JAM3: variants seen among roughly 807,000 people sequenced by gnomAD.
The protein encoded by JAM3 is junctional adhesion molecule 3.
JAM3 carries 31 observed loss-of-function variants against 39.4 expected under a neutral mutation model. The ratio of observed to expected loss-of-function variants is 0.79; its 90% CI spans 0.59 to 1.06. The LOEUF is 1.06. Among genes scored for constraint, JAM3 ranks in the 50% least tolerant of loss-of-function variants. The probability of loss-of-function intolerance (pLI) is 0.00; values close to 1 mark genes in which losing one functional copy is unlikely to be tolerated. For synonymous variants in JAM3, 182 were observed against 148.7 expected (o/e 1.22, Z -1.63); for missense variants, 455 against 391.4 (o/e 1.16, Z -1.37).
At chr11:134,112,279 G>T (rs1211202195) in intron 1 of JAM3, among the ~76,000 whole-genome samples, 1 of 151,998 alleles carries the variant, frequency 6.6e-6, no homozygotes, top group Admixed American at 6.6e-5. Context: ...GTAGAGACGG[G>T]GTTTAACCAT....
In JAM3 at chr11:134,144,901, G is replaced by A. The variant is rs1343101238; in HGVS notation, c.519G>A (p.Trp173Ter). The change falls in exon 5 of 9, where the codon TGG becomes TGA. Residue 173 changes from tryptophan (W) to a stop codon, truncating the protein, a stop_gained. Coordinates refer to ENST00000299106, the MANE Select transcript of JAM3 (RefSeq NM_032801.5). LOFTEE classifies it high-confidence loss of function. ...GCCACCCCCGGCCTCACTACAGCTG[G>A]TATCGCAATGATGTACCACTGCCCA... ...SEGHPRPHYS[W>*]YRNDVPLPTD... is the part of the protein sequence containing the mutation. 6.2e-7 allele frequency: 1 copy of A among 1,614,152 alleles called. No individual in the cohort carries two copies. The highest frequency in any genetic ancestry group is 1.7e-5 in the Admixed American group (1 of 60,030).
chr11:134,074,625 T>C (rs1189295774), intron 1 of JAM3, among the ~76,000 whole-genome samples: 2 of 152,144 alleles, frequency 1.3e-5, no homozygotes, highest in East Asian at 3.9e-4. Context: ...GCTGCCGAGA[T>C]TACCGGCCTC....
At chr11:134,077,054 C>G (rs761570366) in intron 1 of JAM3, among the ~76,000 whole-genome samples, 4 of 151,882 alleles carry the variant, frequency 2.6e-5, no homozygotes, top group Non-Finnish European at 5.9e-5. Flanking sequence ...AGGCTGGTCT[C>G]GAACTCCTGA....
chr11:134,132,434 G>T (rs185531784), intron 1 of JAM3, among the ~76,000 whole-genome samples: 1 of 152,256 alleles, frequency 6.6e-6, no homozygotes, highest in Admixed American at 6.5e-5. Flanking sequence ...AGGGAGACCC[G>T]CAGGTTGAAA....
At chr11:134,085,410 A>G (rs1437189288) in intron 1 of JAM3, among the ~76,000 whole-genome samples, 1 of 152,234 alleles carries the variant, frequency 6.6e-6, no homozygotes, top group African/African-American at 2.4e-5. Context: ...CAAAGATCCT[A>G]AATATGTAGC....
chr11:134,100,742 C>T (rs1335455944), intron 1 of JAM3, among the ~76,000 whole-genome samples: 1 of 152,072 alleles, frequency 6.6e-6, no homozygotes, highest in Non-Finnish European at 1.5e-5. Flanking sequence ...ATAATTATCC[C>T]CATCGTATGG....
chr11:134,149,455 T>G lies in JAM3; in HGVS notation c.*274T>G. On this transcript the variant is annotated 3_prime_UTR_variant, in exon 9 of 9. Transcript: ENST00000299106. The stretch of plus-strand genomic sequence containing the variant: ...GGTTCCTAATCTGTTTCTGGCCTGA[T>G]TCCCGCATGAGTATTAGGGTGATCT... 5.2e-6 allele frequency: 3 copies of G among 578,538 alleles called. No individual in the cohort carries two copies. Among genetic ancestry groups the G allele is most frequent in the Non-Finnish European group, 6.2e-6 (2 of 321,206 alleles). 35.8% of individuals were successfully genotyped at this position (578,538 alleles called of 1,614,324 possible). A position where few individuals can be genotyped will look rare whatever the true frequency, so the allele number is the denominator to read the frequency against.
At chr11:134,115,946 C>T (rs1376383115) in intron 1 of JAM3, among the ~76,000 whole-genome samples, 1 of 152,072 alleles carries the variant, frequency 6.6e-6, no homozygotes, top group Non-Finnish European at 1.5e-5. Flanking sequence ...CATAAAAGTG[C>T]AGTGCCCTTC....
intron 1 of JAM3, among the ~76,000 whole-genome samples, chr11:134,125,849 A>G (rs889902859): frequency 1.3e-5 from 2 of 152,198 alleles, no homozygotes; most frequent in African/African-American, 2.4e-5. Flanking sequence ...ATTAGACATC[A>G]GTCCTACAAG....
intron 1 of JAM3, chr11:134,124,364 T>A: frequency 1.5e-6 from 1 of 689,148 alleles, no homozygotes; most frequent in Non-Finnish European, 2.6e-6. Flanking sequence ...CGTGTGAGTG[T>A]GATGGGAAAA....
At chr11:134,139,716 T>G (rs1942939871) in intron 1 of JAM3, 135 bp from the exon 2 acceptor site, 3 of 736,346 alleles carry the variant, frequency 4.1e-6, no homozygotes, top group Non-Finnish European at 7.4e-6. Flanking sequence ...CTAAGAGACT[T>G]TATTGTGGAA....
chr11:134,133,775 A>C (rs1251057563), intron 1 of JAM3, among the ~76,000 whole-genome samples: 1 of 152,090 alleles, frequency 6.6e-6, no homozygotes, highest in Non-Finnish European at 1.5e-5. Flanking sequence ...CTTCCCCCCT[A>C]CACACACACC....
At chr11:134,112,508 GAC>G (rs929699285) in intron 1 of JAM3, among the ~76,000 whole-genome samples, 1 of 152,060 alleles carries the variant, frequency 6.6e-6, no homozygotes, top group African/African-American at 2.4e-5. Context: ...TATATATGCT[GAC>G]ACAGATATAC....
In JAM3 at chr11:134,127,396, T is replaced by C. The variant is rs190925239; in HGVS notation, c.77-12455T>C. ...GAACTAATGCCATTGTAGTGAGTCA[T>C]TTTAAAACTTGATGCCTTTTGGCCG... is the stretch of plus-strand genomic sequence containing the variant. On this transcript the variant is annotated intron_variant, in intron 1 of 8. Coordinates refer to ENST00000299106, the MANE Select transcript of JAM3 (RefSeq NM_032801.5). 7.2e-5 allele frequency among the ~76,000 whole-genome samples: 11 copies of C among 152,336 alleles called. No homozygotes were observed. The East Asian group carries it at 1.7e-3, about 24-fold the overall frequency.
In JAM3 at chr11:134,137,112, CAAAA is replaced by C. The variant is rs1167572520; in HGVS notation, c.77-2727_77-2724del. On this transcript the variant is annotated intron_variant, in intron 1 of 8. Transcript: ENST00000299106. ...TGGCTGACAGAGCGAGACTCTGTCT[CAAAA>C]AAAAAAAAAAAGAAGAAGAAGTATA... 7.0e-5 allele frequency among the ~76,000 whole-genome samples: 6 copies of C among 85,190 alleles called. No homozygotes were observed. The South Asian group carries it at 1.1e-3, about 16-fold the overall frequency. The allele number at this position is 85,190 out of a possible 152,430, so 55.9% of individuals were successfully genotyped here. A position where few individuals can be genotyped will look rare whatever the true frequency, so the allele number is the denominator to read the frequency against.
chr11:134,085,867 G>A (rs915302740), intron 1 of JAM3, among the ~76,000 whole-genome samples: 2 of 152,148 alleles, frequency 1.3e-5, no homozygotes, highest in Non-Finnish European at 2.9e-5. Flanking sequence ...AGTGGGGCAG[G>A]TACTTCACTA....
At chr11:134,145,279 CATT>C (rs1378650081) in intron 5 of JAM3, 6 of 509,468 alleles carry the variant, frequency 1.2e-5, no homozygotes, top group African/African-American at 1.2e-4. Flanking sequence ...CTGTAAAAGT[CATT>C]AGACAATCGG....
At chr11:134,140,920 A>AT in intron 3 of JAM3, 150 bp downstream of exon 3, 1 of 1,064,730 alleles carries the variant, frequency 9.4e-7, no homozygotes, top group Non-Finnish European at 1.3e-6. Context: ...ATTATGGAAA[A>AT]TTTCAAATAT....
In JAM3 at chr11:134,148,575, G is replaced by T; in HGVS notation, c.741G>T (p.Gly247=). Residue 247 remains glycine (G), a synonymous_variant, in exon 7 of 9, where the codon GGG becomes GGT. Coordinates refer to ENST00000299106, the MANE Select transcript of JAM3 (RefSeq NM_032801.5). The stretch of plus-strand genomic sequence containing the variant: ...ACCTGAACATTGGCGGAATTATTGG[G>T]GGGGTTCTGGTTGTCCTTGCTGTAC... ...VYDLNIGGII[G]GVLVVLAVLA... 1 of 1,614,144 alleles carries T rather than the reference G, an allele frequency of 6.2e-7. No individual in the cohort carries two copies. The highest frequency in any genetic ancestry group is 8.5e-7 in the Non-Finnish European group (1 of 1,180,022).
Sources: allele counts gnomAD v4.1 joint callset (sites outside exome capture counted in the v4.1 genomes callset), GRCh38; gene constraint gnomAD v4.1.1; transcripts MANE v1.5; gene names NCBI Gene and HGNC (gene_info 2026-07-23, HGNC 2026-07-21).